DPYD: variants seen among roughly 807,000 people sequenced by gnomAD.
DPYD encodes dihydropyrimidine dehydrogenase.
In DPYD, 109 loss-of-function variants were observed where a neutral mutation model predicts 116.2. The observed-to-expected ratio is 0.94, with a 90% CI of 0.80 to 1.10. The LOEUF (loss-of-function observed/expected upper bound fraction) is 1.10. Among genes scored for constraint, DPYD ranks in the 50% least tolerant of loss-of-function variants. DPYD has a pLI of 0.00. For missense variants in DPYD, 1,302 were observed against 1,254.5 expected, an observed-to-expected ratio of 1.04 and a Z score of -0.57; for synonymous variants, 440 against 432.0, an observed-to-expected ratio of 1.02 and a Z score of -0.23.
At chr1:97,380,610 A>C (rs1557671124) in intron 15 of DPYD, among the ~76,000 whole-genome samples, 1 of 152,188 alleles carries the variant, frequency 6.6e-6, no homozygotes, top group Non-Finnish European at 1.5e-5. Context: ...TATAAACTTA[A>C]GGTTTAGTAT....
intron 13 of DPYD, among the ~76,000 whole-genome samples, chr1:97,489,659 T>C (rs1280374608): frequency 6.6e-6 from 1 of 152,208 alleles, no homozygotes; most frequent in African/African-American, 2.4e-5. Context: ...GTTGAGTACT[T>C]ACTATGCCCT....
intron 18 of DPYD, among the ~76,000 whole-genome samples, chr1:97,264,583 T>A (rs1376165433): frequency 6.6e-6 from 1 of 152,176 alleles, no homozygotes; most frequent in African/African-American, 2.4e-5. Context: ...GACAAATGCA[T>A]AAGCCACATC....
chr1:97,657,161 G>A (rs1056402273), intron 8 of DPYD, among the ~76,000 whole-genome samples: 2 of 151,716 alleles, frequency 1.3e-5, no homozygotes, highest in Non-Finnish European at 2.9e-5. Flanking sequence ...TAGAGATGGG[G>A]TTTCACCACG....
intron 8 of DPYD, among the ~76,000 whole-genome samples, chr1:97,610,006 T>C (rs1230515822): frequency 6.6e-6 from 1 of 152,004 alleles, no homozygotes; most frequent in African/African-American, 2.4e-5. Flanking sequence ...AATCAATTCA[T>C]TTTGAGAAAG....
chr1:97,395,409 A>T (rs1672954795), intron 14 of DPYD, among the ~76,000 whole-genome samples: 1 of 151,922 alleles, frequency 6.6e-6, no homozygotes, highest in African/African-American at 2.4e-5. Context: ...GGAGAATCTT[A>T]TACTGATAAT....
intron 14 of DPYD, among the ~76,000 whole-genome samples, chr1:97,419,486 G>T (rs188805864): frequency 7.2e-5 from 11 of 152,046 alleles, no homozygotes; most frequent in Non-Finnish European, 1.2e-4. Context: ...AATAGGCACC[G>T]ATATTCCAAT....
At chr1:97,918,481 AAC>A (rs1674339180) in intron 1 of DPYD, among the ~76,000 whole-genome samples, 1 of 152,234 alleles carries the variant, frequency 6.6e-6, no homozygotes, top group South Asian at 2.1e-4. Context: ...ATTACCAAGT[AAC>A]ACATCCTTTC....
At chr1:97,404,334 G>GTT (rs1301284182) in intron 14 of DPYD, among the ~76,000 whole-genome samples, 1 of 151,978 alleles carries the variant, frequency 6.6e-6, no homozygotes, top group South Asian at 2.1e-4. Context: ...GTTTAACTAT[G>GTT]TGCTTACTGA....
chr1:97,629,522 T>C (rs1657126811), intron 8 of DPYD, among the ~76,000 whole-genome samples: 1 of 152,012 alleles, frequency 6.6e-6, no homozygotes, highest in Non-Finnish European at 1.5e-5. Flanking sequence ...TCCTCCAATG[T>C]TGTCATCTCT....
chr1:97,099,922 G>A (rs1011486073), intron 20 of DPYD, among the ~76,000 whole-genome samples: 1 of 152,032 alleles, frequency 6.6e-6, no homozygotes, highest in African/African-American at 2.4e-5. Flanking sequence ...TACTTATGTA[G>A]AAATATCTAA....
chr1:97,715,604 C>T (rs2101012566), intron 5 of DPYD, among the ~76,000 whole-genome samples: 1 of 152,150 alleles, frequency 6.6e-6, no homozygotes, highest in East Asian at 1.9e-4. Context: ...TTAGTTTACT[C>T]CTGCTGTACT....
At chr1:97,209,917 T>C (rs1038891813) in intron 19 of DPYD, among the ~76,000 whole-genome samples, 13 of 152,198 alleles carry the variant, frequency 8.5e-5, no homozygotes, top group African/African-American at 3.1e-4. Flanking sequence ...TTTGCATGCC[T>C]ACATCTTTAA....
chr1:97,148,139 A>G (rs1015783126), intron 20 of DPYD, among the ~76,000 whole-genome samples: 11 of 151,990 alleles, frequency 7.2e-5, no homozygotes, highest in Non-Finnish European at 1.5e-4. Context: ...GCTGTCATGC[A>G]TGACAAGAAC....
chr1:97,173,437 CAT>C lies in DPYD; in HGVS notation c.2622+19630_2622+19631del, dbSNP rs529394368. Among the ~76,000 whole-genome samples, 186 of 146,582 alleles carry C rather than the reference CAT, an allele frequency of 1.3e-3. 2 individuals are homozygous for C. Among genetic ancestry groups the C allele is most frequent in the African/African-American group, 4.7e-3 (183 of 39,152 alleles). ...GTACATATATGTGTGTATATACGTA[CAT>C]ATATATGTAAAATGAGTATATATAT... On this transcript the variant is annotated intron_variant, in intron 20 of 22. Transcript: ENST00000370192.
chr1:97,875,421 A>G (rs969905956), intron 2 of DPYD, among the ~76,000 whole-genome samples: 1 of 152,028 alleles, frequency 6.6e-6, no homozygotes, highest in South Asian at 2.1e-4. Flanking sequence ...GTAGCTATCA[A>G]GAGAGGCATA....
chr1:97,397,250 A>G (rs1488846667), intron 14 of DPYD, among the ~76,000 whole-genome samples: 1 of 151,960 alleles, frequency 6.6e-6, no homozygotes, highest in Non-Finnish European at 1.5e-5. Context: ...CATGACTACT[A>G]CTGTGTAGAC....
intron 4 of DPYD, among the ~76,000 whole-genome samples, chr1:97,739,544 G>T (rs1020824670): frequency 2.0e-5 from 3 of 152,022 alleles, no homozygotes; most frequent in Non-Finnish European, 4.4e-5. Context: ...CTAAGTACTT[G>T]AAATATTAAG....
At chr1:97,671,524 A>G (rs1337430200) in intron 8 of DPYD, among the ~76,000 whole-genome samples, 1 of 152,200 alleles carries the variant, frequency 6.6e-6, no homozygotes, top group African/African-American at 2.4e-5. Context: ...AAGATAAAAG[A>G]GGATGCTTGG....
chr1:97,913,060 G>T (rs1032126088), intron 1 of DPYD, among the ~76,000 whole-genome samples: 4 of 152,184 alleles, frequency 2.6e-5, no homozygotes, highest in Non-Finnish European at 5.9e-5. Context: ...TCTAGTTAAA[G>T]ACAGCATAAT....
Sources: allele counts gnomAD v4.1 joint callset (sites outside exome capture counted in the v4.1 genomes callset), GRCh38; gene constraint gnomAD v4.1.1; transcripts MANE v1.5; gene names NCBI Gene and HGNC (gene_info 2026-07-23, HGNC 2026-07-21).